Variants in USP22 observed in about 807,000 individuals in gnomAD.
USP22 encodes ubiquitin specific peptidase 22, also known as ubiquitin carboxyl-terminal hydrolase 22.
A neutral mutation model predicts 68.1 loss-of-function variants in USP22; 22 were observed. That is an observed-to-expected ratio of 0.32 (90% CI 0.23 to 0.46). The LOEUF is 0.46. Ranked by LOEUF, USP22 falls within the 20% of genes least tolerant of loss-of-function variation. The pLI, the probability that USP22 is intolerant of heterozygous loss-of-function variation, is 1.00. For missense variants in USP22, 433 were observed against 695.8 expected, an observed-to-expected ratio of 0.62 and a Z score of 4.25; for synonymous variants, 279 against 274.2, an observed-to-expected ratio of 1.02 and a Z score of -0.17.
chr17:21,041,916 G>A lies in USP22; in HGVS notation c.171+749C>T, dbSNP rs922913316. ...GCGCTTCCAAGTCTACTCCTCAGCC[G>A]CAACGCAAACCCGGGCTGTGGCTCC... is the stretch of plus-strand genomic sequence containing the variant. On this transcript the variant is annotated intron_variant, in intron 1 of 12. Transcript: ENST00000261497. Among the ~76,000 whole-genome samples, 9 of 152,144 alleles carry A rather than the reference G, an allele frequency of 5.9e-5. No homozygotes were observed. The East Asian group carries it at 1.4e-3, about 23-fold the overall frequency.
chr17:21,005,213 C>T (rs779225801), intron 10 of USP22: 21 of 553,128 alleles, frequency 3.8e-5, no homozygotes, highest in South Asian at 3.0e-4. Context: ...GGCCACCTGG[C>T]GTGGCCCCTG....
chr17:21,005,186 G>A, intron 10 of USP22, 196 bp from the exon 11 acceptor site: 1 of 653,752 alleles, frequency 1.5e-6, no homozygotes, highest in Non-Finnish European at 2.6e-6. Flanking sequence ...CTGCCTCAGA[G>A]CACACCTGGG....
chr17:21,032,618 T>C (rs1456879261), intron 1 of USP22, among the ~76,000 whole-genome samples: 14 of 152,212 alleles, frequency 9.2e-5, no homozygotes. Flanking sequence ...CATTCATTTT[T>C]ATTCTATCTC....
chr17:21,020,556 G>C (rs1174754236), intron 3 of USP22, among the ~76,000 whole-genome samples: 1 of 152,216 alleles, frequency 6.6e-6, no homozygotes, highest in Non-Finnish European at 1.5e-5. Context: ...TGTTGACATG[G>C]ATTTAACATC....
rs375969340 is a variant in USP22 at position 21,004,146 on chromosome 17, C to T, written c.1535+56G>A. ...AGACATGGGCTAGTCTCAGCTATAC[C>T]GGAGGGGAAGCACCGTAGCCACCGT... On this transcript the variant is annotated intron_variant, in intron 12 of 12. Coordinates refer to ENST00000261497, the MANE Select transcript of USP22 (RefSeq NM_015276.2). 1.5e-5 allele frequency: 24 copies of T among 1,593,092 alleles called. No individual in the cohort carries two copies. The Admixed American group carries it at 1.9e-4, about 12-fold the overall frequency.
chr17:21,002,867 G>T lies in USP22; in HGVS notation c.*164C>A. The T allele has an allele frequency of 1.2e-6, 1 of 815,082 alleles. No homozygotes were observed. Among genetic ancestry groups the T allele is most frequent in the South Asian group, 1.5e-5 (1 of 65,756 alleles). 50.5% of individuals were successfully genotyped at this position (815,082 alleles called of 1,614,324 possible). A position where few individuals can be genotyped will look rare whatever the true frequency, so the allele number is the denominator to read the frequency against. ...CCTCCCCGTCCGTGTGGTCCATCCC[G>T]ACCCGATGGGTCCCAGGTGCAGAGG... On this transcript the variant is annotated 3_prime_UTR_variant, in exon 13 of 13. Transcript: ENST00000261497.
intron 8 of USP22, among the ~76,000 whole-genome samples, chr17:21,009,330 C>G (rs1181080175): frequency 6.6e-6 from 1 of 152,132 alleles, no homozygotes; most frequent in African/African-American, 2.4e-5. Context: ...TATTTATGCT[C>G]TGGAAATTCT....
chr17:21,037,649 G>A (rs913634542), intron 1 of USP22, among the ~76,000 whole-genome samples: 3 of 152,190 alleles, frequency 2.0e-5, no homozygotes, highest in Admixed American at 1.3e-4. Context: ...GTCTAGAAGA[G>A]CCCAAGAGGA....
chr17:21,004,899 G>C (rs772943819), intron 11 of USP22, 29 bp downstream of exon 11: 1 of 1,613,034 alleles, frequency 6.2e-7, no homozygotes, highest in South Asian at 1.1e-5. Context: ...CAGAGGCCCT[G>C]GACACCCACA....
intron 2 of USP22, 129 bp downstream of exon 2, chr17:21,028,413 T>C (rs1175427540): frequency 3.5e-5 from 49 of 1,409,076 alleles, no homozygotes; most frequent in Non-Finnish European, 4.5e-5. Flanking sequence ...GTGTCACCAG[T>C]GAGGGGCACG....
At chr17:21,016,761 A>G (rs1972087961) in intron 5 of USP22, among the ~76,000 whole-genome samples, 1 of 152,194 alleles carries the variant, frequency 6.6e-6, no homozygotes, top group Non-Finnish European at 1.5e-5. Context: ...GGCAGCTACC[A>G]GGGTCTGGGG....
intron 6 of USP22, among the ~76,000 whole-genome samples, chr17:21,014,510 T>C (rs1914071744): frequency 6.6e-6 from 1 of 152,196 alleles, no homozygotes; most frequent in African/African-American, 2.4e-5. Flanking sequence ...TCACGTAGTT[T>C]TTCAGAGGAA....
At chr17:21,010,131 T>G (rs1237037304) in intron 8 of USP22, among the ~76,000 whole-genome samples, 1 of 152,062 alleles carries the variant, frequency 6.6e-6, no homozygotes, top group Non-Finnish European at 1.5e-5. Context: ...ACCACTGCAC[T>G]CCAGCCTGCA....
intron 1 of USP22, among the ~76,000 whole-genome samples, chr17:21,032,173 G>A (rs1030386386): frequency 2.0e-5 from 3 of 152,190 alleles, no homozygotes; most frequent in Admixed American, 6.5e-5. Flanking sequence ...GTACAGGTTT[G>A]CTGCCTAGGA....
At chr17:21,009,481 C>T (rs1317292498) in intron 8 of USP22, among the ~76,000 whole-genome samples, 1 of 151,942 alleles carries the variant, frequency 6.6e-6, no homozygotes, top group Non-Finnish European at 1.5e-5. Context: ...GTGCACTCTA[C>T]CTCTCCTCCA....
intron 8 of USP22, among the ~76,000 whole-genome samples, chr17:21,009,812 G>A (rs965429425): frequency 6.6e-6 from 1 of 152,072 alleles, no homozygotes; most frequent in African/African-American, 2.4e-5. Flanking sequence ...AAAGTTAGCC[G>A]GATATGGTAG....
At chr17:21,012,038 G>A (rs1309022767) in intron 7 of USP22, among the ~76,000 whole-genome samples, 1 of 152,092 alleles carries the variant, frequency 6.6e-6, no homozygotes, top group African/African-American at 2.4e-5. Flanking sequence ...CCCGATATTT[G>A]CTCGTCTTAT....
At chr17:21,013,548 G>C (rs1011014934) in intron 6 of USP22, among the ~76,000 whole-genome samples, 2 of 152,204 alleles carry the variant, frequency 1.3e-5, no homozygotes, top group Non-Finnish European at 2.9e-5. Context: ...TTCGTGTGTG[G>C]AATACATATT....
At chr17:21,006,235 A>C (rs1182347718) in intron 10 of USP22, among the ~76,000 whole-genome samples, 1 of 152,214 alleles carries the variant, frequency 6.6e-6, no homozygotes, top group East Asian at 1.9e-4. Flanking sequence ...ACCCCAGAAT[A>C]GGCAGATTTG....
Sources: allele counts gnomAD v4.1 joint callset (sites outside exome capture counted in the v4.1 genomes callset), GRCh38; gene constraint gnomAD v4.1.1; transcripts MANE v1.5; gene names NCBI Gene and HGNC (gene_info 2026-07-23, HGNC 2026-07-21).